PLPP4: variants seen among roughly 807,000 people sequenced by gnomAD.
The protein encoded by PLPP4 is phospholipid phosphatase 4, also known as diacylglycerol pyrophosphate like 2.
PLPP4 carries 20 observed loss-of-function variants against 32.2 expected under a neutral mutation model. The observed-to-expected ratio is 0.62, with a 90% CI of 0.44 to 0.90. The LOEUF (loss-of-function observed/expected upper bound fraction) is 0.90. Ranked by LOEUF, PLPP4 falls within the 40% of genes least tolerant of loss-of-function variation. The pLI, the probability that PLPP4 is intolerant of heterozygous loss-of-function variation, is 0.00. For synonymous variants in PLPP4, 127 were observed against 133.0 expected (o/e 0.95, Z 0.31); for missense variants, 257 against 353.1 (o/e 0.73, Z 2.18).
intron 1 of PLPP4, among the ~76,000 whole-genome samples, chr10:120,488,177 G>A (rs1467951787): frequency 1.3e-5 from 2 of 152,206 alleles, no homozygotes; most frequent in Admixed American, 6.5e-5. Context: ...GAACAGAAGG[G>A]CAGTGTCAGG....
At chr10:120,552,645 G>A (rs118138479) in intron 5 of PLPP4, among the ~76,000 whole-genome samples, 1,823 of 152,274 alleles carry the variant, frequency 0.012, 21 homozygotes, top group Middle Eastern at 0.02. Flanking sequence ...CATTTTGACT[G>A]TCTTGACAAG....
intron 1 of PLPP4, among the ~76,000 whole-genome samples, chr10:120,499,865 A>G (rs1484102695): frequency 6.6e-6 from 1 of 152,052 alleles, no homozygotes; most frequent in East Asian, 1.9e-4. Flanking sequence ...CCACTTCCAA[A>G]GAGCTTGTGG....
intron 5 of PLPP4, among the ~76,000 whole-genome samples, chr10:120,549,376 C>T (rs1847782624): frequency 6.6e-6 from 1 of 150,928 alleles, no homozygotes; most frequent in Non-Finnish European, 1.5e-5. Flanking sequence ...AAAACCTTTT[C>T]AGCAAGAAAG....
At chr10:120,459,081 G>A (rs1227192735) in intron 1 of PLPP4, among the ~76,000 whole-genome samples, 3 of 152,154 alleles carry the variant, frequency 2.0e-5, no homozygotes, top group Admixed American at 6.5e-5. Flanking sequence ...TTTATGAGAT[G>A]TTTACAGATA....
At chr10:120,462,347 G>A (rs1848092931) in intron 1 of PLPP4, among the ~76,000 whole-genome samples, 1 of 152,180 alleles carries the variant, frequency 6.6e-6, no homozygotes, top group South Asian at 2.1e-4. Context: ...CTGGAGGTTT[G>A]AAACAAAACT....
chr10:120,571,267 G>A (rs1848929946), intron 5 of PLPP4, among the ~76,000 whole-genome samples: 2 of 152,002 alleles, frequency 1.3e-5, no homozygotes, highest in Non-Finnish European at 2.9e-5. Flanking sequence ...AGCAGGATAT[G>A]AGCACATTTG....
chr10:120,476,613 G>A (rs138193566), intron 1 of PLPP4, among the ~76,000 whole-genome samples: 266 of 152,254 alleles, frequency 1.7e-3, no homozygotes, highest in African/African-American at 6.2e-3. Flanking sequence ...CCCACTGCGG[G>A]TCATAACAAA....
chr10:120,496,026 G>A (rs1043237196), intron 1 of PLPP4, among the ~76,000 whole-genome samples: 1 of 152,112 alleles, frequency 6.6e-6, no homozygotes, highest in African/African-American at 2.4e-5. Context: ...ACCAAAGCAG[G>A]GATTTGGACT....
chr10:120,516,253 C>T (rs894044408), intron 3 of PLPP4, among the ~76,000 whole-genome samples: 3 of 152,132 alleles, frequency 2.0e-5, no homozygotes, highest in South Asian at 2.1e-4. Flanking sequence ...AGGACTCTAT[C>T]GACCAGGAGG....
At chr10:120,458,236 T>C (rs994435014) in intron 1 of PLPP4, among the ~76,000 whole-genome samples, 8 of 152,274 alleles carry the variant, frequency 5.3e-5, no homozygotes, top group African/African-American at 1.7e-4. Context: ...TGAGCTGCTG[T>C]CACCTAGGCA....
chr10:120,471,280 C>T (rs1009215093), intron 1 of PLPP4, among the ~76,000 whole-genome samples: 1 of 151,930 alleles, frequency 6.6e-6, no homozygotes, highest in Admixed American at 6.6e-5. Flanking sequence ...TTATTAAAAC[C>T]AACTTATTAT....
At position 120,497,086 on chromosome 10, in the gene PLPP4, G is replaced by T. The variant is rs1845003251; in HGVS notation, c.57-6732G>T. 2.6e-5 allele frequency among the ~76,000 whole-genome samples: 4 copies of T among 152,080 alleles called. No individual in the cohort carries two copies. The South Asian group carries it at 8.3e-4, about 32-fold the overall frequency. ...CGGTTAAAGGCCTGGAGAGCCCCCA[G>T]TGATGCCACGTGTGCCTCTGGAATT... is the stretch of plus-strand genomic sequence containing the variant. On this transcript the variant is annotated intron_variant, in intron 1 of 6. Transcript: ENST00000398250.
Position 120,510,147 on chromosome 10 carries a change from A to T in PLPP4, c.166-3764A>T, listed in dbSNP as rs370961575. 1.0e-3 allele frequency among the ~76,000 whole-genome samples: 153 copies of T among 152,298 alleles called. 2 individuals carry two copies. The South Asian group carries it at 0.024, about 24-fold the overall frequency. ...CCTAGAATAGACTATAGTCCTTAGTAAGTTCTCAGTACACGTTAGCCTTTG... is the reference window on the plus strand; with the variant it reads ...CCTAGAATAGACTATAGTCCTTAGTTAGTTCTCAGTACACGTTAGCCTTTG... On this transcript the variant is annotated intron_variant, in intron 2 of 6. Coordinates refer to ENST00000398250, the MANE Select transcript of PLPP4 (RefSeq NM_001030059.3).
chr10:120,569,065 C>A lies in PLPP4; in HGVS notation c.446-6066C>A, dbSNP rs186429765. Among the ~76,000 whole-genome samples, 26 of 152,078 alleles carry A rather than the reference C, an allele frequency of 1.7e-4. No individual in the cohort carries two copies. The East Asian group carries it at 4.3e-3, about 25-fold the overall frequency. Reference sequence around the variant, plus strand: ...ACCAGCCTAGCCAACATGGTGAAACCCCAACTCTGCCAAAAATACAAAAAC... The same window carrying A: ...ACCAGCCTAGCCAACATGGTGAAACACCAACTCTGCCAAAAATACAAAAAC... On this transcript the variant is annotated intron_variant, in intron 5 of 6. Transcript: ENST00000398250.
At chr10:120,462,375 T>C (rs141307274) in intron 1 of PLPP4, among the ~76,000 whole-genome samples, 9 of 152,278 alleles carry the variant, frequency 5.9e-5, no homozygotes, top group Non-Finnish European at 1.0e-4. Flanking sequence ...GCTCAGATGT[T>C]TGCCCAGGGG....
At chr10:120,520,885 G>A (rs1846120662) in intron 4 of PLPP4, 86 bp from the exon 5 acceptor site, 4 of 1,523,706 alleles carry the variant, frequency 2.6e-6, no homozygotes, top group South Asian at 1.2e-5. Flanking sequence ...AAAGAGCTGG[G>A]GGCAGTGGGG....
At chr10:120,469,469 C>T (rs901637102) in intron 1 of PLPP4, among the ~76,000 whole-genome samples, 4 of 152,074 alleles carry the variant, frequency 2.6e-5, no homozygotes, top group East Asian at 1.9e-4. Flanking sequence ...CCTCGTGATC[C>T]GCCCACCTGG....
Position 120,468,510 on chromosome 10 carries a change from G to A in PLPP4, c.56+11149G>A, listed in dbSNP as rs1366165224. 1.1e-4 allele frequency among the ~76,000 whole-genome samples: 7 copies of A among 65,048 alleles called. 2 individuals are homozygous for A. Among genetic ancestry groups the A allele is most frequent in the African/African-American group, 1.6e-4 (5 of 30,534 alleles). The allele number at this position is 65,048 out of a possible 152,430, so 42.7% of individuals were successfully genotyped here. Reference sequence around the variant, plus strand: ...TAAAGATACATAATACAGTTTTAACGGTGGTTATTTTGTGCTGATGGGATT... The same window carrying A: ...TAAAGATACATAATACAGTTTTAACAGTGGTTATTTTGTGCTGATGGGATT... On this transcript the variant is annotated intron_variant, in intron 1 of 6. Transcript: ENST00000398250.
At chr10:120,558,228 C>T (rs1848248840) in intron 5 of PLPP4, among the ~76,000 whole-genome samples, 1 of 151,756 alleles carries the variant, frequency 6.6e-6, no homozygotes, top group South Asian at 2.1e-4. Context: ...CATGTGCACA[C>T]ATACACATGT....
Sources: allele counts gnomAD v4.1 joint callset (sites outside exome capture counted in the v4.1 genomes callset), GRCh38; gene constraint gnomAD v4.1.1; transcripts MANE v1.5; gene names NCBI Gene and HGNC (gene_info 2026-07-23, HGNC 2026-07-21).